The following MARK2 variants were observed in gnomAD, a reference collection of about 807,000 sequenced individuals.
The protein encoded by MARK2 is serine/threonine-protein kinase MARK2.
Under a neutral mutation model 89.8 loss-of-function variants are expected in MARK2, and 16 were observed. That is an observed-to-expected ratio of 0.18 (90% CI 0.12 to 0.27). The LOEUF is 0.27. MARK2 is among the 10% of genes least tolerant of loss of function. The probability of loss-of-function intolerance (pLI) is 1.00; values close to 1 mark genes in which losing one functional copy is unlikely to be tolerated. For synonymous variants in MARK2, 382 were observed against 399.5 expected, an observed-to-expected ratio of 0.96 and a Z score of 0.52; for missense variants, 621 against 1,049.9, an observed-to-expected ratio of 0.59 and a Z score of 5.65.
intron 1 of MARK2, among the ~76,000 whole-genome samples, chr11:63,864,353 A>G (rs1443057082): frequency 2.0e-5 from 3 of 150,766 alleles, no homozygotes; most frequent in African/African-American, 7.3e-5. Context: ...CCCAGGTTCA[A>G]GCGATTCTCC....
At chr11:63,857,863 G>A (rs2016946542) in intron 1 of MARK2, among the ~76,000 whole-genome samples, 1 of 151,320 alleles carries the variant, frequency 6.6e-6, no homozygotes, top group South Asian at 2.1e-4. Context: ...TATTTTTTGA[G>A]ACAAGTTCTC....
At chr11:63,857,719 A>G (rs2016935962) in intron 1 of MARK2, among the ~76,000 whole-genome samples, 1 of 152,246 alleles carries the variant, frequency 6.6e-6, no homozygotes, top group South Asian at 2.1e-4. Context: ...CATATAAACA[A>G]AAGCTTCTGG....
rs374827768 is a variant in MARK2 at position 63,898,604 on chromosome 11, G to A, written c.338-4G>A. On this transcript the variant is annotated splice_polypyrimidine_tract_variant and splice_region_variant and intron_variant, in intron 4 of 18. Transcript: ENST00000402010. ...GACTTAAGGCTTGGCCTTTTCTCTT[G>A]TAGTTAAATTATTTGAAGTGATTGA... The A allele has an allele frequency of 1.1e-5, 18 of 1,612,086 alleles. No individual in the cohort carries two copies. The highest frequency in any genetic ancestry group is 4.0e-5 in the African/African-American group (3 of 74,880).
rs780776931 is a variant in MARK2 at position 63,904,992 on chromosome 11, G to A, written c.1883G>A (p.Arg628Gln). 8 of 1,614,016 alleles carry A rather than the reference G, an allele frequency of 5.0e-6. No individual in the cohort carries two copies. The highest frequency in any genetic ancestry group is 2.2e-5 in the East Asian group (1 of 44,896). Reference protein sequence around the residue: ...ASPSGHSQGRRGASGSIFSKF... With the variant: ...ASPSGHSQGRQGASGSIFSKF... ...CCCTCTGGCCACAGCCAGGGCCGGCGGGGGGCCTCTGGGAGCATCTTCAGC... is the reference window on the plus strand; with the variant it reads ...CCCTCTGGCCACAGCCAGGGCCGGCAGGGGGCCTCTGGGAGCATCTTCAGC... The change falls in exon 16 of 19, where the codon CGG (arginine) becomes CAG (glutamine). Residue 628 changes from arginine to glutamine, a missense_variant. By Grantham distance (43) the Arg-to-Gln change is conservative (BLOSUM62 1). Transcript: ENST00000402010. The surrounding 1 kb of genome is among the most constrained non-coding windows in gnomAD (Gnocchi z 6.3).
At chr11:63,896,903 T>G (rs912766677) in intron 3 of MARK2, among the ~76,000 whole-genome samples, 1 of 152,180 alleles carries the variant, frequency 6.6e-6, no homozygotes, top group East Asian at 1.9e-4. Flanking sequence ...GCCATCTTAT[T>G]CCTGACCTTG....
rs759735829 is a variant in MARK2, at chr11:63,903,823, C to T, written c.1515-163C>T. On this transcript the variant is annotated intron_variant, in intron 14 of 18. Transcript: ENST00000402010. The surrounding 1 kb of genome is among the most constrained non-coding windows in gnomAD (Gnocchi z 5.1). ...CTCACTCACCTCCACTTCTCAGCCC[C>T]GCATTCCTCAGTTCTGACTTGCATC... 1.3e-5 allele frequency among the ~76,000 whole-genome samples: 2 copies of T among 151,922 alleles called. No individual in the cohort carries two copies. The highest frequency in any genetic ancestry group is 1.9e-4 in the East Asian group (1 of 5,176).
chr11:63,898,469 T>A (rs749375904), intron 4 of MARK2, 139 bp from the exon 5 acceptor site: 3 of 889,184 alleles, frequency 3.4e-6, no homozygotes, highest in Non-Finnish European at 5.5e-6. Flanking sequence ...TTGGCTGGCA[T>A]GAGAGGAACT....
intron 1 of MARK2, among the ~76,000 whole-genome samples, chr11:63,894,551 C>T (rs1216746794): frequency 6.6e-6 from 1 of 152,106 alleles, no homozygotes; most frequent in Non-Finnish European, 1.5e-5. Flanking sequence ...ACAAAATTAG[C>T]CAGGCGTGGT....
At chr11:63,876,527 G>A (rs1264601413) in intron 1 of MARK2, among the ~76,000 whole-genome samples, 2 of 152,218 alleles carry the variant, frequency 1.3e-5, no homozygotes, top group African/African-American at 4.8e-5. Flanking sequence ...TTGGTAGTTA[G>A]CATGAACTAT....
At chr11:63,845,774 G>A (rs1461326362) in intron 1 of MARK2, among the ~76,000 whole-genome samples, 1 of 152,118 alleles carries the variant, frequency 6.6e-6, no homozygotes, top group Non-Finnish European at 1.5e-5. Context: ...CCAGGCTGGA[G>A]TGCAGTGGCA....
chr11:63,845,387 C>A (rs1032508829), intron 1 of MARK2, among the ~76,000 whole-genome samples: 2 of 152,140 alleles, frequency 1.3e-5, no homozygotes, highest in African/African-American at 4.8e-5. Flanking sequence ...AGTGGAAGTT[C>A]AGCAAAATGA....
At chr11:63,850,315 ATTTTTTTTTT>A (rs34074167) in intron 1 of MARK2, among the ~76,000 whole-genome samples, 35 of 95,766 alleles carry the variant, frequency 3.7e-4, no homozygotes, top group South Asian at 3.1e-3. Flanking sequence ...TACCTGGCTA[ATTTTTTTTTT>A]TTTTTTTTTT....
chr11:63,893,004 G>A (rs1224309731), intron 1 of MARK2, among the ~76,000 whole-genome samples: 1 of 150,622 alleles, frequency 6.6e-6, no homozygotes, highest in African/African-American at 2.5e-5. Flanking sequence ...CTCCTCCTGG[G>A]TTCAAGCAAT....
In MARK2 at chr11:63,909,558, G is replaced by C; in HGVS notation, c.*321G>C. 4.7e-6 allele frequency: 1 copy of C among 213,094 alleles called. No homozygotes were observed. The allele number at this position is 213,094 out of a possible 1,614,324, so 13.2% of individuals were successfully genotyped here. ...GCACAGAGTATTTCGCCTAAACCAA[G>C]AAATTTTTTATTACCAAAAAGAAAA... is the stretch of plus-strand genomic sequence containing the variant. On this transcript the variant is annotated 3_prime_UTR_variant, in exon 19 of 19. Transcript: ENST00000402010.
intron 1 of MARK2, among the ~76,000 whole-genome samples, chr11:63,876,767 G>T (rs1036891936): frequency 1.3e-5 from 2 of 152,174 alleles, no homozygotes; most frequent in African/African-American, 4.8e-5. Flanking sequence ...TACAGACTTG[G>T]CTGCTTGCCT....
intron 1 of MARK2, among the ~76,000 whole-genome samples, chr11:63,872,032 C>CTCAGAGAA (rs1469212106): frequency 2.6e-5 from 4 of 152,212 alleles, no homozygotes; most frequent in Non-Finnish European, 5.9e-5. Context: ...GAGGGAATGA[C>CTCAGAGAA]TCAGAGAACA....
chr11:63,876,917 A>G (rs913069891), intron 1 of MARK2, among the ~76,000 whole-genome samples: 1 of 152,106 alleles, frequency 6.6e-6, no homozygotes, highest in African/African-American at 2.4e-5. Flanking sequence ...TGCACGAGCT[A>G]ATCTCACTGA....
chr11:63,906,131 C>CTA lies in MARK2; in HGVS notation c.1961+18_1961+19insAT. On this transcript the variant is annotated intron_variant, in intron 17 of 18. Coordinates refer to ENST00000402010, the MANE Select transcript of MARK2 (RefSeq NM_001039469.3). ...TGCCAGAAGGTAGGCGTTGAGCCCGCTGTGTGTGTGTGTGTGTGTGTGTGT... is the reference window on the plus strand; with the variant it reads ...TGCCAGAAGGTAGGCGTTGAGCCCGCTATGTGTGTGTGTGTGTGTGTGTGTGT... 2.5e-6 allele frequency: 3 copies of CTA among 1,186,058 alleles called. No individual in the cohort carries two copies. The highest frequency in any genetic ancestry group is 2.1e-6 in the Non-Finnish European group (2 of 935,280). 73.5% of individuals were successfully genotyped at this position (1,186,058 alleles called of 1,614,324 possible).
At chr11:63,840,236 G>T (rs2015940415) in intron 1 of MARK2, among the ~76,000 whole-genome samples, 1 of 152,126 alleles carries the variant, frequency 6.6e-6, no homozygotes, top group South Asian at 2.1e-4. Context: ...CTGGATCCTG[G>T]CGCTGGCATT....
Sources: gnomAD v4.1 joint callset for allele counts (sites outside exome capture counted in the v4.1 genomes callset) on GRCh38, gnomAD v4.1.1 for gene constraint, Gnocchi (gnomAD v3.1) non-coding constraint, MANE v1.5 for transcripts, NCBI Gene and HGNC (gene_info 2026-07-23, HGNC 2026-07-21) for gene names.